WDR27: variants seen among roughly 807,000 people sequenced by gnomAD.
WDR27 encodes the protein WD repeat domain 27, also known as WD repeat-containing protein 27.
A neutral mutation model predicts 114.4 loss-of-function variants in WDR27; 100 were observed. The observed-to-expected ratio is 0.87, with a 90% CI of 0.74 to 1.03. WDR27 has a LOEUF of 1.03. WDR27 is among the 50% of genes least tolerant of loss of function. The pLI, the probability that WDR27 is intolerant of heterozygous loss-of-function variation, is 0.00. For missense variants in WDR27, 1,129 were observed against 1,092.9 expected, an observed-to-expected ratio of 1.03 and a Z score of -0.47; for synonymous variants, 449 against 423.1, an observed-to-expected ratio of 1.06 and a Z score of -0.75.
At chr6:169,454,041 T>C (rs532877370), downstream of WDR27, among the ~76,000 whole-genome samples, 2 of 152,242 alleles carry the variant, frequency 1.3e-5, no homozygotes, top group South Asian at 2.1e-4. Flanking sequence ...AAAAATAAAA[T>C]TAAGTTGGGA....
chr6:169,437,029 T>C, the WDR27 span, among the ~76,000 whole-genome samples: 6 of 152,300 alleles, frequency 3.9e-5, no homozygotes, highest in South Asian at 1.0e-3. Flanking sequence ...AAAATGTATA[T>C]GCAAAAGTAA....
intron 13 of WDR27, among the ~76,000 whole-genome samples, chr6:169,654,194 T>A (rs75964125): frequency 0.095 from 14,414 of 152,266 alleles, 871 homozygotes; most frequent in African/African-American, 0.16. Context: ...GTATACATCA[T>A]GGGATTTATC....
chr6:169,473,683 G>A (rs1021822032), intron 25 of WDR27, among the ~76,000 whole-genome samples: 1 of 152,054 alleles, frequency 6.6e-6, no homozygotes, highest in East Asian at 1.9e-4. Flanking sequence ...ACAGATTTGG[G>A]GGTTTGGGGA....
intron 25 of WDR27, among the ~76,000 whole-genome samples, chr6:169,515,187 C>T (rs1230206448): frequency 3.3e-5 from 5 of 151,962 alleles, no homozygotes; most frequent in African/African-American, 4.8e-5. Flanking sequence ...TATGACCCAC[C>T]GAGTCCTGTC....
chr6:169,553,599 C>CTT (rs1562572801), intron 25 of WDR27, among the ~76,000 whole-genome samples: 1 of 152,118 alleles, frequency 6.6e-6, no homozygotes, highest in Non-Finnish European at 1.5e-5. Context: ...CAACCTCAAG[C>CTT]GCTTTAAATC....
At chr6:169,682,081 C>A (rs575663329) in intron 2 of WDR27, among the ~76,000 whole-genome samples, 7 of 152,202 alleles carry the variant, frequency 4.6e-5, no homozygotes, top group African/African-American at 9.7e-5. Flanking sequence ...AACCTCTGTC[C>A]CACAGCAGAT....
At chr6:169,452,719 G>A (rs1412410878), downstream of WDR27, among the ~76,000 whole-genome samples, 4 of 152,264 alleles carry the variant, frequency 2.6e-5, no homozygotes, top group Admixed American at 6.5e-5. Flanking sequence ...CACGTTCCAC[G>A]GGGATGGCAC....
In WDR27 at chr6:169,651,930, T is replaced by C. The variant is rs754651872; in HGVS notation, c.1481A>G (p.His494Arg). The change falls in exon 14 of 26, where the codon CAT becomes CGT. Residue 494 changes from histidine to arginine, a missense_variant and splice_region_variant. Coordinates refer to ENST00000448612, the MANE Select transcript of WDR27 (RefSeq NM_182552.5). ...CTCTCATTGACATGAGTTCACTCAC[T>C]GTGGTGCTGACGCATAACCAGATGA... is the stretch of plus-strand genomic sequence containing the variant. The part of the protein sequence containing the change: ...VRSSGYASAP[H>R]VTMFSPKTNI... The C allele has an allele frequency of 3.1e-6, 5 of 1,613,098 alleles. No individual in the cohort carries two copies. The highest frequency in any genetic ancestry group is 1.3e-5 in the African/African-American group (1 of 74,916).
At chr6:169,491,071 CA>C (rs1270252144) in intron 25 of WDR27, among the ~76,000 whole-genome samples, 1 of 152,110 alleles carries the variant, frequency 6.6e-6, no homozygotes, top group African/African-American at 2.4e-5. Flanking sequence ...AGACAGAACC[CA>C]ATCATTTTCT....
chr6:169,678,315 G>T (rs900435976), intron 2 of WDR27, among the ~76,000 whole-genome samples: 1 of 152,208 alleles, frequency 6.6e-6, no homozygotes, highest in Non-Finnish European at 1.5e-5. Flanking sequence ...GGGACACAGA[G>T]TCAATAGAGA....
chr6:169,569,634 C>G (rs1187255733), intron 25 of WDR27, among the ~76,000 whole-genome samples: 1 of 151,912 alleles, frequency 6.6e-6, no homozygotes, highest in Non-Finnish European at 1.5e-5. Context: ...CTTTTTTTCT[C>G]AACTAAGAAG....
intron 25 of WDR27, among the ~76,000 whole-genome samples, chr6:169,540,537 C>T (rs778289832): frequency 6.6e-6 from 1 of 151,698 alleles, no homozygotes; most frequent in Non-Finnish European, 1.5e-5. Context: ...TCAAGCAATT[C>T]TCCTGCCTCA....
chr6:169,461,500 C>T (rs890142789), intron 25 of WDR27, among the ~76,000 whole-genome samples: 1 of 151,784 alleles, frequency 6.6e-6, no homozygotes, highest in African/African-American at 2.4e-5. Flanking sequence ...TTAAATGACA[C>T]ACTCAAACTA....
intron 15 of WDR27, among the ~76,000 whole-genome samples, chr6:169,648,188 A>C (rs1226252775): frequency 6.6e-5 from 10 of 152,234 alleles, no homozygotes; most frequent in South Asian, 2.1e-4. Context: ...CACTAAGAGA[A>C]AATGAATTTC....
chr6:169,575,427 C>CCAT (rs1562611896), intron 24 of WDR27, among the ~76,000 whole-genome samples: 26,976 of 64,628 alleles, frequency 0.42, 5,848 homozygotes, highest in East Asian at 0.55. Flanking sequence ...CATCCATCCA[C>CCAT]CCACCATCAC....
chr6:169,528,213 C>T (rs1000240484), intron 25 of WDR27, among the ~76,000 whole-genome samples: 1 of 152,036 alleles, frequency 6.6e-6, no homozygotes, highest in African/African-American at 2.4e-5. Flanking sequence ...GGACTTTTTA[C>T]AATATCACGA....
chr6:169,454,636 T>C (rs73789951), downstream of WDR27, among the ~76,000 whole-genome samples: 4,653 of 152,326 alleles, frequency 0.031, 215 homozygotes, highest in African/African-American at 0.1. Flanking sequence ...CCACCCCCCT[T>C]GGTGGCCAGA....
At chr6:169,597,018 C>T (rs1490267977) in intron 23 of WDR27, among the ~76,000 whole-genome samples, 1 of 152,148 alleles carries the variant, frequency 6.6e-6, no homozygotes, top group Non-Finnish European at 1.5e-5. Flanking sequence ...CATAAATTGG[C>T]ATCTTTGTCA....
In WDR27 at chr6:169,638,720, T is replaced by A; in HGVS notation, c.1748-60A>T. The A allele has an allele frequency of 2.6e-6, 4 of 1,541,118 alleles. No individual in the cohort carries two copies. The South Asian group carries it at 4.8e-5, about 18-fold the overall frequency. Reference sequence around the variant, plus strand: ...ACTATTAATATCAGTTTTGACTGAGTGCTACTTATCTGGTACTTTCATACA... The same window carrying A: ...ACTATTAATATCAGTTTTGACTGAGAGCTACTTATCTGGTACTTTCATACA... On this transcript the variant is annotated intron_variant, in intron 17 of 25. Transcript: ENST00000448612.
Sources: allele counts gnomAD v4.1 joint callset (sites outside exome capture counted in the v4.1 genomes callset), GRCh38; gene constraint gnomAD v4.1.1; transcripts MANE v1.5; gene names NCBI Gene and HGNC (gene_info 2026-07-23, HGNC 2026-07-21).